SSR1: variants seen among roughly 807,000 people sequenced by gnomAD.
SSR1 encodes translocon-associated protein subunit alpha.
SSR1 carries 13 observed loss-of-function variants against 36.1 expected under a neutral mutation model. The observed-to-expected ratio is 0.36, with a 90% CI of 0.23 to 0.57. SSR1 has a LOEUF of 0.57. Among genes scored for constraint, SSR1 ranks in the 20% least tolerant of loss-of-function variants. The probability of loss-of-function intolerance (pLI) is 0.81; values close to 1 mark genes in which losing one functional copy is unlikely to be tolerated. For missense variants in SSR1, 291 were observed against 338.5 expected, an observed-to-expected ratio of 0.86 and a Z score of 1.10; for synonymous variants, 113 against 118.9, an observed-to-expected ratio of 0.95 and a Z score of 0.32.
In SSR1 at chr6:7,287,293, T is replaced by A. The variant is rs1426601891; in HGVS notation, c.*2571A>T. On this transcript the variant is annotated 3_prime_UTR_variant, in exon 8 of 8. Coordinates refer to ENST00000244763, the MANE Select transcript of SSR1 (RefSeq NM_003144.5). ...AGGCTGATGTGCCACAAATGCACTT[T>A]TAAGGCAGTAGTTCTTCCATATTTT... The A allele has an allele frequency of 6.6e-6, 1 of 152,278 alleles. No individual in the cohort carries two copies. Among genetic ancestry groups the A allele is most frequent in the African/African-American group, 2.4e-5 (1 of 41,480 alleles). 9.4% of individuals were successfully genotyped at this position (152,278 alleles called of 1,614,324 possible).
chr6:7,296,233 A>C (rs1401556740), intron 6 of SSR1, among the ~76,000 whole-genome samples: 1 of 152,214 alleles, frequency 6.6e-6, no homozygotes, highest in Non-Finnish European at 1.5e-5. Flanking sequence ...AACAAACCTC[A>C]GTTTATCTAC....
In SSR1 at chr6:7,303,589, G is replaced by C; in HGVS notation, c.241C>G (p.Pro81Ala). ...EDVSGEPEAS[P>A]SADTTILFVK... is the part of the protein sequence containing the mutation. Reference sequence around the variant, plus strand: ...AACAGTATAGTTGTATCTGCACTCGGTGAAGCTTCAGGTTCACCAGACACA... The same window carrying C: ...AACAGTATAGTTGTATCTGCACTCGCTGAAGCTTCAGGTTCACCAGACACA... The change falls in exon 3 of 8, where the codon CCG becomes GCG. Residue 81 changes from proline (P) to alanine (A), a missense_variant. By Grantham distance (27) the Pro-to-Ala change is conservative. Transcript: ENST00000244763. 6.2e-7 allele frequency: 1 copy of C among 1,613,280 alleles called. No homozygotes were observed. Among genetic ancestry groups the C allele is most frequent in the African/African-American group, 1.3e-5 (1 of 74,912 alleles).
At position 7,309,991 on chromosome 6, in the gene SSR1, C is replaced by T; in HGVS notation, c.118G>A (p.Glu40Lys). The change falls in exon 2 of 8, where the codon GAA (glutamate) becomes AAA (lysine). Residue 40 changes from glutamate to lysine, a missense_variant. By Grantham distance (56) the Glu-to-Lys change is moderately conservative (BLOSUM62 1). Coordinates refer to ENST00000244763, the MANE Select transcript of SSR1 (RefSeq NM_003144.5). ...TCAATTATGGAATCTTCTACTGTTT[C>T]TTCATCCTCTGTAAGATCTTGTGCC... ...AVAQDLTEDE[E>K]TVEDSIIEDE... The T allele has an allele frequency of 1.2e-6, 2 of 1,613,918 alleles. No homozygotes were observed. Among genetic ancestry groups the T allele is most frequent in the Non-Finnish European group, 1.7e-6 (2 of 1,179,950 alleles).
chr6:7,308,923 A>G (rs984516880), intron 2 of SSR1, among the ~76,000 whole-genome samples: 1 of 152,246 alleles, frequency 6.6e-6, no homozygotes, highest in Admixed American at 6.5e-5. Flanking sequence ...CAGAAAAGGA[A>G]GCAGCAGGTA....
At chr6:7,291,235 C>T (rs1343821976) in intron 7 of SSR1, among the ~76,000 whole-genome samples, 1 of 151,902 alleles carries the variant, frequency 6.6e-6, no homozygotes. Flanking sequence ...CCCATCTCTA[C>T]TAAACTATAA....
chr6:7,299,157 C>T (rs530661355), intron 4 of SSR1, among the ~76,000 whole-genome samples: 2 of 152,282 alleles, frequency 1.3e-5, no homozygotes, highest in East Asian at 1.9e-4. Flanking sequence ...AAAAAGTCAC[C>T]GACTTTGCCA....
rs909349123 is a variant in SSR1, at chr6:7,285,217, T to A, written c.*4647A>T. 3 of 152,150 alleles carry A rather than the reference T, an allele frequency of 2.0e-5. No homozygotes were observed. The highest frequency in any genetic ancestry group is 2.9e-5 in the Non-Finnish European group (2 of 68,036). The allele number at this position is 152,150 out of a possible 1,614,324, so 9.4% of individuals were successfully genotyped here. A position where few individuals can be genotyped will look rare whatever the true frequency, so the allele number is the denominator to read the frequency against. On this transcript the variant is annotated 3_prime_UTR_variant, in exon 8 of 8. Transcript: ENST00000244763. The surrounding 1 kb of genome is among the most constrained non-coding windows in gnomAD (Gnocchi z 4.1). ...CCATGGGTACTGACAGAAGTCTACA[T>A]AAGGGACAGCAGGGGAACAAAAAAA...
rs187082400 is a variant in SSR1 at position 7,306,864 on chromosome 6, G to C, written c.192+3053C>G. Among the ~76,000 whole-genome samples, 501 of 150,280 alleles carry C rather than the reference G, an allele frequency of 3.3e-3. 4 individuals carry two copies. The highest frequency in any genetic ancestry group is 8.3e-3 in the African/African-American group (337 of 40,702). On this transcript the variant is annotated intron_variant, in intron 2 of 7. Coordinates refer to ENST00000244763, the MANE Select transcript of SSR1 (RefSeq NM_003144.5). ...CCGGGAGGTGGAGCTTGCAGTGAGC[G>C]GAGATCCACGCCACTGCACTCCAGC...
intron 1 of SSR1, among the ~76,000 whole-genome samples, chr6:7,310,902 C>T (rs1758178734): frequency 6.6e-6 from 1 of 152,094 alleles, no homozygotes; most frequent in Admixed American, 6.5e-5. Context: ...CACAGCAAGA[C>T]ACCGTCTCAA....
At chr6:7,292,597 G>T (rs1277990588) in intron 7 of SSR1, among the ~76,000 whole-genome samples, 1 of 152,042 alleles carries the variant, frequency 6.6e-6, no homozygotes, top group Non-Finnish European at 1.5e-5. Context: ...TGTGGCCGAG[G>T]CTGGATTCGA....
Position 7,313,169 on chromosome 6 carries a change from G to C in SSR1, c.-49C>G, listed in dbSNP as rs770387870. 1 of 1,532,942 alleles carries C rather than the reference G, an allele frequency of 6.5e-7. No individual in the cohort carries two copies. Among genetic ancestry groups the C allele is most frequent in the Non-Finnish European group, 8.8e-7 (1 of 1,131,148 alleles). 95.0% of individuals were successfully genotyped at this position (1,532,942 alleles called of 1,614,324 possible). A position where few individuals can be genotyped will look rare whatever the true frequency, so the allele number is the denominator to read the frequency against. On this transcript the variant is annotated 5_prime_UTR_variant, in exon 1 of 8. Transcript: ENST00000244763. ...TTTCCGTCGGCTAAGGCTCTCGGCGGCTCCGGCGGTAATGGCGTTACTCTT... is the reference window on the plus strand; with the variant it reads ...TTTCCGTCGGCTAAGGCTCTCGGCGCCTCCGGCGGTAATGGCGTTACTCTT...
chr6:7,289,967 A>T (rs78141528), intron 7 of SSR1, 36 bp from the exon 8 acceptor site: 2 of 1,506,252 alleles, frequency 1.3e-6, no homozygotes, highest in African/African-American at 1.5e-5. Flanking sequence ...CTTGCCTATT[A>T]TAAGTATATT....
intron 7 of SSR1, among the ~76,000 whole-genome samples, chr6:7,293,079 C>T (rs769250931): frequency 3.9e-5 from 6 of 152,154 alleles, no homozygotes; most frequent in Non-Finnish European, 8.8e-5. Flanking sequence ...CAAATCCAGG[C>T]ATACTGAAGT....
In SSR1 at chr6:7,282,825, A is replaced by C. The variant is rs1757458402; in HGVS notation, c.*7039T>G. ...CAAATGAGAAAAATACATAATCATTATGTTTTAGCCAGAAAAAGGCAACTT... is the reference window on the plus strand; with the variant it reads ...CAAATGAGAAAAATACATAATCATTCTGTTTTAGCCAGAAAAAGGCAACTT... On this transcript the variant is annotated 3_prime_UTR_variant, in exon 8 of 8. Coordinates refer to ENST00000244763, the MANE Select transcript of SSR1 (RefSeq NM_003144.5). The C allele has an allele frequency of 6.6e-6, 1 of 152,246 alleles. No homozygotes were observed. Among genetic ancestry groups the C allele is most frequent in the African/African-American group, 2.4e-5 (1 of 41,468 alleles). 9.4% of individuals were successfully genotyped at this position (152,246 alleles called of 1,614,324 possible).
chr6:7,297,478 C>T (rs896095650), intron 6 of SSR1, among the ~76,000 whole-genome samples: 1 of 152,112 alleles, frequency 6.6e-6, no homozygotes, highest in African/African-American at 2.4e-5. Flanking sequence ...GTAATCCCAA[C>T]ACTTTGGGAG....
At chr6:7,312,894 G>A (rs1581640833) in intron 1 of SSR1, 148 bp downstream of exon 1, 2 of 750,216 alleles carry the variant, frequency 2.7e-6, no homozygotes, top group Non-Finnish European at 2.1e-6. Flanking sequence ...CTGCTGCTAC[G>A]AGCCTAGGCT....
rs1278516315 is a variant in SSR1, at chr6:7,283,037, T to C, written c.*6827A>G. ...GAGAGCCATTTTCCAGACAGTCTTG[T>C]CTTTATTTATTTATTTTTTAATTGT... is the stretch of plus-strand genomic sequence containing the variant. On this transcript the variant is annotated 3_prime_UTR_variant, in exon 8 of 8. Transcript: ENST00000244763. 1 of 152,176 alleles carries C rather than the reference T, an allele frequency of 6.6e-6. No homozygotes were observed. The highest frequency in any genetic ancestry group is 1.5e-5 in the Non-Finnish European group (1 of 68,028). 9.4% of individuals were successfully genotyped at this position (152,176 alleles called of 1,614,324 possible).
At chr6:7,290,307 A>G (rs1484744796) in intron 7 of SSR1, among the ~76,000 whole-genome samples, 1 of 152,256 alleles carries the variant, frequency 6.6e-6, no homozygotes. Context: ...TGCAGTTTGC[A>G]TAATTTTTCA....
Position 7,282,146 on chromosome 6 carries a change from C to G in SSR1, c.*7718G>C, listed in dbSNP as rs1369522027. 6.6e-6 allele frequency: 1 copy of G among 152,180 alleles called. No homozygotes were observed. The highest frequency in any genetic ancestry group is 1.9e-4 in the East Asian group (1 of 5,202). 9.4% of individuals were successfully genotyped at this position (152,180 alleles called of 1,614,324 possible). On this transcript the variant is annotated 3_prime_UTR_variant, in exon 8 of 8. Coordinates refer to ENST00000244763, the MANE Select transcript of SSR1 (RefSeq NM_003144.5). ...CTGGCAAGTGGAGAACCATGAGATC[C>G]TGACAGAGCAGGCTTTTGTGGGCAG...
Sources: allele counts gnomAD v4.1 joint callset (sites outside exome capture counted in the v4.1 genomes callset), GRCh38; gene constraint gnomAD v4.1.1; non-coding constraint Gnocchi (gnomAD v3.1); transcripts MANE v1.5; gene names NCBI Gene and HGNC (gene_info 2026-07-23, HGNC 2026-07-21).